The following SNX25 variants were observed in gnomAD, a reference collection of about 807,000 sequenced individuals.
SNX25 encodes the protein sorting nexin-25.
In SNX25, 62 loss-of-function variants were observed where a neutral mutation model predicts 113.7. The observed-to-expected ratio is 0.55, with a 90% CI of 0.44 to 0.67. The LOEUF is 0.67. Among genes scored for constraint, SNX25 ranks in the 30% least tolerant of loss-of-function variants. SNX25 has a pLI of 0.00. For synonymous variants in SNX25, 421 were observed against 436.2 expected, an observed-to-expected ratio of 0.97 and a Z score of 0.43; for missense variants, 1,014 against 1,161.0, an observed-to-expected ratio of 0.87 and a Z score of 1.84.
intron 8 of SNX25, among the ~76,000 whole-genome samples, chr4:185,323,301 A>G (rs1254124829): frequency 6.6e-6 from 1 of 152,154 alleles, no homozygotes; most frequent in Non-Finnish European, 1.5e-5. Flanking sequence ...AGTGTTTAAA[A>G]TAAATTGCAG....
chr4:185,274,973 G>A (rs149182626), intron 5 of SNX25, among the ~76,000 whole-genome samples: 535 of 152,232 alleles, frequency 3.5e-3, no homozygotes, highest in African/African-American at 0.012. Context: ...GTGACACAGG[G>A]CTCTAACTTT....
chr4:185,312,598 C>T (rs889992769), intron 7 of SNX25, among the ~76,000 whole-genome samples: 3 of 151,668 alleles, frequency 2.0e-5, no homozygotes, highest in Non-Finnish European at 4.4e-5. Flanking sequence ...TATCGGCTCA[C>T]TGCAACCTCC....
chr4:185,232,664 A>G lies in SNX25; in HGVS notation c.430-14630A>G, dbSNP rs1037902292. 6.6e-6 allele frequency among the ~76,000 whole-genome samples: 1 copy of G among 152,252 alleles called. No homozygotes were observed. The highest frequency in any genetic ancestry group is 1.5e-5 in the Non-Finnish European group (1 of 68,034). On this transcript the variant is annotated intron_variant, in intron 1 of 18. Transcript: ENST00000652585. The surrounding 1 kb of genome is among the most constrained non-coding windows in gnomAD (Gnocchi z 4.4). ...ACTAAAGATCTCTGTGAAAAAAGCA[A>G]TTCAACGTGACTCATCCAGTTGTTG...
At chr4:185,348,765 A>G (rs1198648458) in intron 13 of SNX25, among the ~76,000 whole-genome samples, 1 of 152,122 alleles carries the variant, frequency 6.6e-6, no homozygotes, top group Non-Finnish European at 1.5e-5. Context: ...GATATATAAT[A>G]CTTTACTGTT....
Position 185,240,248 on chromosome 4 carries a change from T to C in SNX25, c.430-7046T>C, listed in dbSNP as rs1306752585. ...CCTTTCTATTCCACAAAACCGCCAT[T>C]GTCATCATGGCCCGTTCTCAATGAG... On this transcript the variant is annotated intron_variant, in intron 1 of 18. Coordinates refer to ENST00000652585, the MANE Select transcript of SNX25 (RefSeq NM_001378034.2). Among the ~76,000 whole-genome samples the C allele has an allele frequency of 3.3e-5, 5 of 150,362 alleles. No homozygotes were observed. In the East Asian group the frequency reaches 5.8e-4, roughly 17 times the overall value.
At chr4:185,350,519 G>A (rs1374254835) in intron 13 of SNX25, among the ~76,000 whole-genome samples, 5 of 152,170 alleles carry the variant, frequency 3.3e-5, no homozygotes. Flanking sequence ...CTAAGGTCAG[G>A]TAAGTACATA....
intron 13 of SNX25, among the ~76,000 whole-genome samples, chr4:185,348,320 A>C (rs1414929806): frequency 6.6e-6 from 1 of 152,230 alleles, no homozygotes; most frequent in East Asian, 1.9e-4. Flanking sequence ...TCCTTTAAAG[A>C]ATTCTTTAAA....
At position 185,300,779 on chromosome 4, in the gene SNX25, T is replaced by G. The variant is rs555606803; in HGVS notation, c.1163-9856T>G. On this transcript the variant is annotated intron_variant, in intron 6 of 18. Transcript: ENST00000652585. ...CAAAGTGGAACCTTTGGGAGGTGAT[T>G]AGGTCATGAGGGTTTCACCTTCATG... is the stretch of plus-strand genomic sequence containing the variant. Among the ~76,000 whole-genome samples the G allele has an allele frequency of 1.3e-4, 19 of 151,372 alleles. No individual in the cohort carries two copies. The South Asian group carries it at 4.0e-3, about 32-fold the overall frequency.
Position 185,247,396 on chromosome 4 carries a change from G to T in SNX25, c.514+18G>T. On this transcript the variant is annotated intron_variant, in intron 2 of 18. Coordinates refer to ENST00000652585, the MANE Select transcript of SNX25 (RefSeq NM_001378034.2). ...GAAAGAAGGTAAGGATTAAATGAGA[G>T]TATATAATTACCATGTAAAGCAATT... The T allele has an allele frequency of 6.9e-7, 1 of 1,448,164 alleles. No homozygotes were observed. 89.7% of individuals were successfully genotyped at this position (1,448,164 alleles called of 1,614,324 possible). A position where few individuals can be genotyped will look rare whatever the true frequency, so the allele number is the denominator to read the frequency against.
intron 7 of SNX25, among the ~76,000 whole-genome samples, chr4:185,311,074 C>T (rs1277845085): frequency 6.6e-6 from 1 of 152,032 alleles, no homozygotes; most frequent in Non-Finnish European, 1.5e-5. Context: ...TTCCCTTTGT[C>T]CTCCCCAGAG....
downstream of SNX25, chr4:185,373,992 A>G (rs1344277435): frequency 1.4e-6 from 1 of 691,380 alleles, no homozygotes; most frequent in Non-Finnish European, 2.4e-6. Context: ...GGGCTTTGAG[A>G]TCCTAAAATG....
intron 7 of SNX25, among the ~76,000 whole-genome samples, chr4:185,314,882 A>G (rs1361635028): frequency 6.7e-6 from 1 of 149,610 alleles, no homozygotes; most frequent in East Asian, 2.0e-4. Flanking sequence ...AAAGACAAAA[A>G]GAAATAGAAA....
intron 1 of SNX25, among the ~76,000 whole-genome samples, chr4:185,214,582 T>A (rs1018540992): frequency 6.6e-6 from 1 of 151,646 alleles, no homozygotes; most frequent in African/African-American, 2.4e-5. Context: ...CTTAAAAAAA[T>A]AAAAATAAAA....
chr4:185,362,335 C>CT (rs2095368778), intron 17 of SNX25: 1 of 985,174 alleles, frequency 1.0e-6, no homozygotes, highest in South Asian at 4.7e-5. Context: ...GGAAATCCTG[C>CT]TAAAGTATCG....
In SNX25 at chr4:185,355,122, A is replaced by G. The variant is rs78072847; in HGVS notation, c.2584+1520A>G. ...TGAAAAAATTTCAAGTGCAACTTGA[A>G]TTTGTCTTCTGTGTCTTAATCCTCA... On this transcript the variant is annotated intron_variant, in intron 15 of 18. Transcript: ENST00000652585. 8.5e-5 allele frequency among the ~76,000 whole-genome samples: 13 copies of G among 152,330 alleles called. No individual in the cohort carries two copies. The East Asian group carries it at 2.5e-3, about 29-fold the overall frequency.
At chr4:185,361,509 G>A (rs143686890) in intron 16 of SNX25, among the ~76,000 whole-genome samples, 16 of 152,224 alleles carry the variant, frequency 1.1e-4, no homozygotes, top group Admixed American at 9.8e-4. Context: ...AGGCTGAGGC[G>A]GGTGGATCAC....
chr4:185,271,702 G>A (rs899938235), intron 5 of SNX25, among the ~76,000 whole-genome samples: 1 of 152,226 alleles, frequency 6.6e-6, no homozygotes, highest in Non-Finnish European at 1.5e-5. Context: ...GGCAGGTAAT[G>A]TGTTTTATTT....
At chr4:185,287,604 C>T (rs1333066181) in intron 5 of SNX25, among the ~76,000 whole-genome samples, 3 of 152,152 alleles carry the variant, frequency 2.0e-5, no homozygotes, top group Non-Finnish European at 4.4e-5. Flanking sequence ...AGGAACTAAA[C>T]GTTTATTAAT....
At chr4:185,325,511 C>T (rs1034074055) in intron 9 of SNX25, among the ~76,000 whole-genome samples, 4 of 122,646 alleles carry the variant, frequency 3.3e-5, no homozygotes, top group African/African-American at 9.2e-5. Context: ...CCAGCCTGGG[C>T]GACAATGTGA....
Sources: allele counts gnomAD v4.1 joint callset (sites outside exome capture counted in the v4.1 genomes callset), GRCh38; gene constraint gnomAD v4.1.1; non-coding constraint Gnocchi (gnomAD v3.1); transcripts MANE v1.5; gene names NCBI Gene and HGNC (gene_info 2026-07-23, HGNC 2026-07-21).